Variants in CHD1L observed in about 807,000 individuals in gnomAD.
CHD1L encodes chromodomain helicase DNA binding protein 1 like, also known as ATP-dependent chromatin remodeler CHD1L.
CHD1L carries 118 observed loss-of-function variants against 115.9 expected under a neutral mutation model. The observed-to-expected ratio is 1.02, with a 90% CI of 0.88 to 1.19. The LOEUF is 1.19. Among genes scored for constraint, CHD1L ranks in the 50% most tolerant of loss-of-function variants. CHD1L has a pLI of 0.00. For synonymous variants in CHD1L, 411 were observed against 387.1 expected, an observed-to-expected ratio of 1.06 and a Z score of -0.72; for missense variants, 1,179 against 1,065.3, an observed-to-expected ratio of 1.11 and a Z score of -1.49.
chr1:147,178,177 G>T, the CHD1L span: 3 of 1,611,336 alleles, frequency 1.9e-6, no homozygotes, highest in Non-Finnish European at 2.5e-6. Flanking sequence ...GGCCCGCCTC[G>T]CGGCTGCCTC....
At chr1:147,242,657 A>C (rs748781388), upstream of CHD1L, 4,044 of 1,259,684 alleles carry the variant, frequency 3.2e-3, 12 homozygotes, top group Non-Finnish European at 3.7e-3. Context: ...GGAAGTTGGG[A>C]GGGAGGTGCG....
At chr1:147,275,223 C>A in intron 12 of CHD1L, 131 bp from the exon 13 acceptor site, 2 of 702,778 alleles carry the variant, frequency 2.8e-6, no homozygotes, top group Non-Finnish European at 5.2e-6. Context: ...GGGTGTGGGT[C>A]CATTTGAAGG....
rs782717334 is a variant in CHD1L, at chr1:147,284,376, T to A, written c.1731T>A (p.Gly577=). The change falls in exon 16 of 23, where the codon GGT becomes GGA. Residue 577 remains glycine (G), a synonymous_variant. Coordinates refer to ENST00000369258, the MANE Select transcript of CHD1L (RefSeq NM_004284.6). Reference sequence around the variant, plus strand: ...AAAATCATATGTACTTATTTGAAGGTAAAGATTATTCTAAAGAGCCCAGTA... The same window carrying A: ...AAAATCATATGTACTTATTTGAAGGAAAAGATTATTCTAAAGAGCCCAGTA... ...EGKNHMYLFE[G]KDYSKEPSKE... 38 of 1,587,548 alleles carry A rather than the reference T, an allele frequency of 2.4e-5. 1 individual carries two copies. In the South Asian group the frequency reaches 2.9e-4, roughly 12 times the overall value.
At chr1:147,212,526 T>C in the CHD1L span, 2 of 1,612,112 alleles carry the variant, frequency 1.2e-6, no homozygotes, top group Non-Finnish European at 1.7e-6. Context: ...CCCTTTGAAC[T>C]TCTCAATTCC....
chr1:147,199,450 C>T, the CHD1L span, among the ~76,000 whole-genome samples: 1 of 152,160 alleles, frequency 6.6e-6, no homozygotes, highest in African/African-American at 2.4e-5. Flanking sequence ...TAGCACTAGG[C>T]TTCTGCTAGC....
intron 12 of CHD1L, among the ~76,000 whole-genome samples, chr1:147,273,062 A>T (rs1233223003): frequency 6.6e-6 from 1 of 152,030 alleles, no homozygotes; most frequent in Non-Finnish European, 1.5e-5. Context: ...ACTTAGCTGG[A>T]TGTAGTGGTG....
chr1:147,237,553 G>A, the CHD1L span, among the ~76,000 whole-genome samples: 2 of 152,162 alleles, frequency 1.3e-5, no homozygotes, highest in Non-Finnish European at 2.9e-5. Context: ...CAACTCAGAA[G>A]GAGGCAGGGC....
At chr1:147,178,475 C>T in the CHD1L span, 1 of 1,611,420 alleles carries the variant, frequency 6.2e-7, no homozygotes, top group South Asian at 1.1e-5. Context: ...CCTAGGACTG[C>T]TGATGGAATT....
the CHD1L span, chr1:147,201,345 T>C: frequency 5.9e-5 from 95 of 1,614,198 alleles, no homozygotes; most frequent in Non-Finnish European, 8.0e-5. Flanking sequence ...AGCTATAGCC[T>C]GTGGCAAAGA....
chr1:147,216,795 A>C, the CHD1L span, among the ~76,000 whole-genome samples: 2 of 152,204 alleles, frequency 1.3e-5, no homozygotes, highest in Non-Finnish European at 2.9e-5. Flanking sequence ...GCCCCACCTC[A>C]GACCTACTGA....
chr1:147,236,661 A>G, the CHD1L span, among the ~76,000 whole-genome samples: 1 of 151,606 alleles, frequency 6.6e-6, no homozygotes, highest in South Asian at 2.1e-4. Flanking sequence ...ACCCTGGAGT[A>G]AGCAGCTCCT....
Position 147,272,351 on chromosome 1 carries a change from T to C in CHD1L, c.1270+70T>C, listed in dbSNP as rs147990275. 1,946 of 1,071,470 alleles carry C rather than the reference T, an allele frequency of 1.8e-3. 4 individuals carry two copies. Among genetic ancestry groups the C allele is most frequent in the Non-Finnish European group, 2.5e-3 (1,750 of 699,752 alleles). The allele number at this position is 1,071,470 out of a possible 1,614,324, so 66.4% of individuals were successfully genotyped here. A position where few individuals can be genotyped will look rare whatever the true frequency, so the allele number is the denominator to read the frequency against. ...TAGAGTACTATTACATCCCAACGGT[T>C]AGTACACTTTTTTCCTTAATTCTCT... On this transcript the variant is annotated intron_variant, in intron 12 of 22. Coordinates refer to ENST00000369258, the MANE Select transcript of CHD1L (RefSeq NM_004284.6).
intron 6 of CHD1L, 164 bp downstream of exon 6, chr1:147,260,082 G>C: frequency 3.9e-6 from 2 of 519,024 alleles, no homozygotes; most frequent in Non-Finnish European, 6.8e-6. Context: ...CCCCACACTT[G>C]TACAGCTTCA....
chr1:147,253,463 C>A (rs587598083), intron 2 of CHD1L, among the ~76,000 whole-genome samples: 1 of 152,284 alleles, frequency 6.6e-6, no homozygotes, highest in African/African-American at 2.4e-5. Context: ...TGTAATCAAG[C>A]ACTCTAACCA....
the CHD1L span, among the ~76,000 whole-genome samples, chr1:147,220,090 G>A: frequency 2.6e-5 from 4 of 151,934 alleles, no homozygotes; most frequent in Non-Finnish European, 4.4e-5. Context: ...CACCCACCTC[G>A]GCCTCCCAAA....
chr1:147,293,597 G>A lies in CHD1L; in HGVS notation c.2392-11G>A, dbSNP rs1553972836. ...ATGTTGGGTTGGTCATCTAATGGTG[G>A]TTCTTTCCAGTTGGCCTTGATTGTG... On this transcript the variant is annotated splice_polypyrimidine_tract_variant and intron_variant, in intron 20 of 22. Coordinates refer to ENST00000369258, the MANE Select transcript of CHD1L (RefSeq NM_004284.6). The A allele has an allele frequency of 3.1e-6, 5 of 1,612,256 alleles. No individual in the cohort carries two copies. The Admixed American group carries it at 5.0e-5, about 16-fold the overall frequency.
chr1:147,219,534 C>T, the CHD1L span, among the ~76,000 whole-genome samples: 2 of 152,048 alleles, frequency 1.3e-5, no homozygotes, highest in African/African-American at 4.8e-5. Context: ...TCATACTTAA[C>T]AGTGAGAAAT....
intron 14 of CHD1L, among the ~76,000 whole-genome samples, chr1:147,278,221 G>GTTTT (rs1572026585): frequency 1.8e-5 from 1 of 55,020 alleles, no homozygotes; most frequent in Admixed American, 2.7e-4. Flanking sequence ...TTGTTTTTTG[G>GTTTT]GTTTTTTTTT....
upstream of CHD1L, among the ~76,000 whole-genome samples, chr1:147,239,044 C>G (rs1489649591): frequency 6.6e-6 from 1 of 152,170 alleles, no homozygotes; most frequent in Non-Finnish European, 1.5e-5. Flanking sequence ...CCCAGGAATT[C>G]GTCCAATTGA....
Sources: gnomAD v4.1 joint callset for allele counts (sites outside exome capture counted in the v4.1 genomes callset) on GRCh38, gnomAD v4.1.1 for gene constraint, MANE v1.5 for transcripts, NCBI Gene and HGNC (gene_info 2026-07-23, HGNC 2026-07-21) for gene names.